Variants in TERB1 observed in about 807,000 individuals in gnomAD.
The protein encoded by TERB1 is telomere repeats-binding bouquet formation protein 1.
TERB1 carries 63 observed loss-of-function variants against 92.3 expected under a neutral mutation model. The observed-to-expected ratio is 0.68, with a 90% CI of 0.56 to 0.84. TERB1 has a LOEUF of 0.84. Ranked by LOEUF, TERB1 falls within the 40% of genes least tolerant of loss-of-function variation. TERB1 has a pLI of 0.00. For missense variants in TERB1, 709 were observed against 843.7 expected, an observed-to-expected ratio of 0.84 and a Z score of 1.98; for synonymous variants, 252 against 283.9, an observed-to-expected ratio of 0.89 and a Z score of 1.13.
intron 16 of TERB1, 102 bp from the exon 17 acceptor site, chr16:66,759,392 G>A: frequency 1.0e-6 from 1 of 968,424 alleles, no homozygotes; most frequent in South Asian, 1.9e-5. Context: ...AGTAAAATCA[G>A]GAACTATAAA....
chr16:66,782,426 C>T (rs2018652185), intron 9 of TERB1, among the ~76,000 whole-genome samples: 1 of 151,652 alleles, frequency 6.6e-6, no homozygotes, highest in Admixed American at 6.6e-5. Context: ...GGCGGGCACC[C>T]GTAATCCCAG....
intron 13 of TERB1, among the ~76,000 whole-genome samples, chr16:66,771,750 T>C (rs1356977124): frequency 6.6e-6 from 1 of 152,080 alleles, no homozygotes; most frequent in Non-Finnish European, 1.5e-5. Flanking sequence ...TACATGTCCA[T>C]CAATAAAGGA....
intron 17 of TERB1, 116 bp from the exon 18 acceptor site, chr16:66,758,954 T>C: frequency 1.1e-6 from 1 of 948,816 alleles, no homozygotes; most frequent in South Asian, 1.6e-5. Context: ...TTAGATAGAT[T>C]AGGAAGAATT....
chr16:66,790,698 T>C lies in TERB1; in HGVS notation c.168A>G (p.Glu56=), dbSNP rs1488234412. The change falls in exon 5 of 19, where the codon GAA becomes GAG. Residue 56 remains glutamate (E), a synonymous_variant. Transcript: ENST00000433154. ...QNSNASVYFR[E]IGGLMFVKNL... The stretch of plus-strand genomic sequence containing the variant: ...TTTTTACAAACATCAAACCACCAAT[T>C]TCCCGAAAATAAACACTTGCATTAC... The C allele has an allele frequency of 6.4e-7, 1 of 1,550,996 alleles. No homozygotes were observed. The highest frequency in any genetic ancestry group is 1.4e-5 in the African/African-American group (1 of 73,056).
intron 16 of TERB1, among the ~76,000 whole-genome samples, chr16:66,763,003 C>T (rs75734649): frequency 0.011 from 1,637 of 152,124 alleles, 41 homozygotes; most frequent in East Asian, 0.067. Flanking sequence ...TTTTTGTAAA[C>T]AGATAAAACT....
chr16:66,790,650 A>G lies in TERB1; in HGVS notation c.216T>C (p.His72=). 1 of 1,550,652 alleles carries G rather than the reference A, an allele frequency of 6.4e-7. No homozygotes were observed. The highest frequency in any genetic ancestry group is 8.7e-7 in the Non-Finnish European group (1 of 1,146,224). ...FVKNLAKSSE[H]SMVKEAALYT... is the part of the protein sequence containing the mutation. ...ATAAGGCTGCTTCTTTTACCATGCT[A>G]TGTTCACTTGACTTTGCAAGATTTT... The change falls in exon 5 of 19, where the codon CAT becomes CAC. Residue 72 remains histidine (H), a synonymous_variant. Coordinates refer to ENST00000433154, the MANE Select transcript of TERB1 (RefSeq NM_001136505.2).
At position 66,766,071 on chromosome 16, in the gene TERB1, C is replaced by T. The variant is rs188571947; in HGVS notation, c.1780+1344G>A. 7.9e-3 allele frequency among the ~76,000 whole-genome samples: 1,171 copies of T among 147,906 alleles called. 3 individuals carry two copies. The highest frequency in any genetic ancestry group is 0.011 in the Non-Finnish European group (749 of 67,108). ...TATTTTTAGTAGAGACGGGGTTTCA[C>T]CTTGTTAGCCAGGATGGTCTCGATC... On this transcript the variant is annotated intron_variant, in intron 16 of 18. Coordinates refer to ENST00000433154, the MANE Select transcript of TERB1 (RefSeq NM_001136505.2).
intron 3 of TERB1, among the ~76,000 whole-genome samples, chr16:66,795,640 C>G (rs1261858690): frequency 6.6e-6 from 1 of 152,178 alleles, no homozygotes; most frequent in African/African-American, 2.4e-5. Context: ...TATCCCCTAT[C>G]TCTCCAGTTT....
chr16:66,758,805 A>G lies in TERB1; in HGVS notation c.1964T>C (p.Leu655Pro). ...TCCAGGGGTAGTAGATTCATTACTG[A>G]GTCGTTGTCTTCTACGTGGGGTCAG... ...ILLTPRRRQR[L>P]SNESTTPGGI... Residue 655 changes from leucine (L) to proline (P), a missense_variant, in exon 18 of 19, where the codon CTC becomes CCC. Physicochemically the swap from Leu to Pro is moderately conservative, Grantham distance 98 (BLOSUM62 -3). Coordinates refer to ENST00000433154, the MANE Select transcript of TERB1 (RefSeq NM_001136505.2). The G allele has an allele frequency of 1.3e-6, 2 of 1,535,986 alleles. No homozygotes were observed. The highest frequency in any genetic ancestry group is 1.8e-6 in the Non-Finnish European group (2 of 1,138,654).
chr16:66,773,415 T>C (rs2018488834), intron 12 of TERB1, among the ~76,000 whole-genome samples: 1 of 152,144 alleles, frequency 6.6e-6, no homozygotes, highest in East Asian at 1.9e-4. Context: ...ACATACTGTG[T>C]CTGCAGTTTT....
chr16:66,777,056 G>C (rs928329154), intron 11 of TERB1, 147 bp downstream of exon 11: 1 of 648,834 alleles, frequency 1.5e-6, no homozygotes, highest in African/African-American at 1.8e-5. Context: ...AGGAGAATTA[G>C]GAGCTGAAAT....
intron 13 of TERB1, among the ~76,000 whole-genome samples, chr16:66,772,173 C>T (rs2018464011): frequency 6.6e-6 from 1 of 152,140 alleles, no homozygotes; most frequent in African/African-American, 2.4e-5. Flanking sequence ...TTTTTACCCT[C>T]CAACCTCTAC....
At chr16:66,761,967 C>T (rs747746543) in intron 16 of TERB1, among the ~76,000 whole-genome samples, 2 of 152,168 alleles carry the variant, frequency 1.3e-5, no homozygotes, top group South Asian at 2.1e-4. Context: ...GCAGGAGAAT[C>T]GCTTGAACCC....
chr16:66,791,689 A>C (rs2018837402), intron 3 of TERB1, among the ~76,000 whole-genome samples: 1 of 152,186 alleles, frequency 6.6e-6, no homozygotes, highest in Non-Finnish European at 1.5e-5. Flanking sequence ...ATACAATTTC[A>C]TACCTACAGA....
At position 66,790,937 on chromosome 16, in the gene TERB1, G is replaced by A. The variant is rs1182015784; in HGVS notation, c.114C>T (p.Val38=). The change falls in exon 4 of 19, where the codon GTC becomes GTT. Residue 38 remains valine (V), a synonymous_variant. Coordinates refer to ENST00000433154, the MANE Select transcript of TERB1 (RefSeq NM_001136505.2). ...TTTGTTGACAAATTGAATGAATAGTGACCAAAGCTTCCTTTTGTGAAAAAG... is the reference window on the plus strand; with the variant it reads ...TTTGTTGACAAATTGAATGAATAGTAACCAAAGCTTCCTTTTGTGAAAAAG... The part of the protein sequence containing the change: ...DNAFSQKEAL[V]TIHSICQQNS... 1.9e-6 allele frequency: 3 copies of A among 1,548,644 alleles called. No individual in the cohort carries two copies. The South Asian group carries it at 3.6e-5, about 19-fold the overall frequency.
intron 2 of TERB1, among the ~76,000 whole-genome samples, chr16:66,800,392 G>GTTGTTT (rs1555510268): frequency 2.8e-4 from 26 of 92,860 alleles, no homozygotes; most frequent in African/African-American, 1.7e-3. Flanking sequence ...AATAAAGAAA[G>GTTGTTT]TTTTTTTTTT....
At chr16:66,767,077 C>T (rs1162947251) in intron 16 of TERB1, among the ~76,000 whole-genome samples, 1 of 151,780 alleles carries the variant, frequency 6.6e-6, no homozygotes, top group Non-Finnish European at 1.5e-5. Context: ...GTCTGTAACA[C>T]CAGCACTTTG....
intron 13 of TERB1, 99 bp downstream of exon 13, chr16:66,772,490 T>A: frequency 1.7e-6 from 2 of 1,168,574 alleles, no homozygotes; most frequent in Non-Finnish European, 2.4e-6. Flanking sequence ...TCAAAAAAAA[T>A]TAACAAAAAA....
At chr16:66,797,268 C>T (rs1209631423) in intron 2 of TERB1, among the ~76,000 whole-genome samples, 2 of 147,574 alleles carry the variant, frequency 1.4e-5, no homozygotes, top group Non-Finnish European at 3.0e-5. Context: ...CAGGGTCTCA[C>T]TCTGACACCC....
Sources: gnomAD v4.1 joint callset for allele counts (sites outside exome capture counted in the v4.1 genomes callset) on GRCh38, gnomAD v4.1.1 for gene constraint, MANE v1.5 for transcripts, NCBI Gene and HGNC (gene_info 2026-07-23, HGNC 2026-07-21) for gene names.